Variants in CCR9 observed in about 807,000 individuals in gnomAD.
The protein encoded by CCR9 is C-C chemokine receptor type 9.
A neutral mutation model predicts 8.7 loss-of-function variants in CCR9; 4 were observed. The ratio of observed to expected loss-of-function variants is 0.46; its 90% CI spans 0.23 to 1.06. The LOEUF (loss-of-function observed/expected upper bound fraction) is 1.06, where lower values mean the gene tolerates loss of function less well. Ranked by LOEUF, CCR9 falls within the 50% of genes least tolerant of loss-of-function variation. The pLI is 0.21. For missense variants in CCR9, 394 were observed against 453.6 expected (o/e 0.87, Z 1.19); for synonymous variants, 159 against 168.8 (o/e 0.94, Z 0.45).
At chr3:45,890,347 T>TTTATATAA (rs1559421639) in intron 1 of CCR9, among the ~76,000 whole-genome samples, 1 of 24,530 alleles carries the variant, frequency 4.1e-5, no homozygotes, top group African/African-American at 4.3e-4. Flanking sequence ...CATATATATA[T>TTTATATAA]AACATATATA....
chr3:45,895,578 G>A (rs552483500), intron 2 of CCR9, among the ~76,000 whole-genome samples: 1 of 152,326 alleles, frequency 6.6e-6, no homozygotes, highest in South Asian at 2.1e-4. Context: ...GCTAGGTGTG[G>A]TGGCATGCGC....
chr3:45,894,137 G>A (rs1702275207), intron 1 of CCR9, among the ~76,000 whole-genome samples: 1 of 152,206 alleles, frequency 6.6e-6, no homozygotes, highest in Non-Finnish European at 1.5e-5. Flanking sequence ...CTTTGGTTAT[G>A]TAGGGGTGGG....
intron 1 of CCR9, among the ~76,000 whole-genome samples, chr3:45,888,195 G>C (rs1702040709): frequency 6.6e-6 from 1 of 152,148 alleles, no homozygotes; most frequent in South Asian, 2.1e-4. Flanking sequence ...CCAGGTCCCT[G>C]CACATACCCC....
intron 2 of CCR9, chr3:45,897,418 C>T (rs1702391528): frequency 3.0e-6 from 2 of 661,210 alleles, no homozygotes; most frequent in East Asian, 2.8e-5. Context: ...ACTATGCCCC[C>T]TGGGCTTCCA....
rs1559427072 is a variant in CCR9 at position 45,901,285 on chromosome 3, A to C, written c.497A>C (p.Lys166Thr). 3.1e-6 allele frequency: 5 copies of C among 1,614,222 alleles called. No homozygotes were observed. Among genetic ancestry groups the C allele is most frequent in the Non-Finnish European group, 4.2e-6 (5 of 1,180,032 alleles). ...AGGGAGAAAAGGCTTTTGTACAGCAAAATGGTTTGCTTTACCATCTGGGTA... is the reference window on the plus strand; with the variant it reads ...AGGGAGAAAAGGCTTTTGTACAGCACAATGGTTTGCTTTACCATCTGGGTA... ...TWREKRLLYSKMVCFTIWVLA... is the reference protein window; with the variant it reads ...TWREKRLLYSTMVCFTIWVLA... Residue 166 changes from lysine (K) to threonine (T), a missense_variant, in exon 3 of 3, where the codon AAA becomes ACA. Transcript: ENST00000357632. This position sits in a 1 kb window ranked among gnomAD's most constrained non-coding sequence, Gnocchi z 4.3.
At chr3:45,890,017 A>T (rs957236948) in intron 1 of CCR9, among the ~76,000 whole-genome samples, 1 of 150,978 alleles carries the variant, frequency 6.6e-6, no homozygotes, top group Admixed American at 6.7e-5. Flanking sequence ...ACCCTCCAAA[A>T]AGATCACATA....
intron 1 of CCR9, among the ~76,000 whole-genome samples, chr3:45,892,403 C>A (rs750880743): frequency 9.9e-5 from 15 of 152,132 alleles, no homozygotes; most frequent in Non-Finnish European, 2.1e-4. Context: ...AGATCCTGTC[C>A]TTTGAAGCAA....
At position 45,902,177 on chromosome 3, in the gene CCR9, G is replaced by A. The variant is rs201908125; in HGVS notation, c.*279G>A. On this transcript the variant is annotated 3_prime_UTR_variant, in exon 3 of 3. Coordinates refer to ENST00000357632, the MANE Select transcript of CCR9 (RefSeq NM_031200.3). ...GTGGAGCACCCTGGCTTTGCCACTC[G>A]CCGGAGCATCAATGCCGCTGCCTCT... is the stretch of plus-strand genomic sequence containing the variant. 13 of 323,136 alleles carry A rather than the reference G, an allele frequency of 4.0e-5. No individual in the cohort carries two copies. Among genetic ancestry groups the A allele is most frequent in the South Asian group, 3.1e-4 (3 of 9,600 alleles). The allele number at this position is 323,136 out of a possible 1,614,324, so 20.0% of individuals were successfully genotyped here. A position where few individuals can be genotyped will look rare whatever the true frequency, so the allele number is the denominator to read the frequency against.
chr3:45,895,013 G>C lies in CCR9; in HGVS notation c.21+59G>C, dbSNP rs6782398. ...ACACACACTCATCTTCCCTTTTTAG[G>C]GGGTGTGGGAAGGATCCACTGTGGG... On this transcript the variant is annotated intron_variant, in intron 2 of 2. Transcript: ENST00000357632. 5,934 of 1,549,958 alleles carry C rather than the reference G, an allele frequency of 3.8e-3. 187 individuals carry two copies. In the African/African-American group the frequency reaches 0.067, roughly 17 times the overall value.
At chr3:45,893,199 G>A (rs1295473915) in intron 1 of CCR9, among the ~76,000 whole-genome samples, 1 of 150,804 alleles carries the variant, frequency 6.6e-6, no homozygotes, top group South Asian at 2.1e-4. Context: ...CTGTCACCCA[G>A]GCTGGAGTGC....
Sources: allele counts gnomAD v4.1 joint callset (sites outside exome capture counted in the v4.1 genomes callset), GRCh38; gene constraint gnomAD v4.1.1; non-coding constraint Gnocchi (gnomAD v3.1); transcripts MANE v1.5; gene names NCBI Gene and HGNC (gene_info 2026-07-23, HGNC 2026-07-21).